MCC: variants seen among roughly 807,000 people sequenced by gnomAD.
The protein encoded by MCC is MCC regulator of Wnt signaling pathway, also known as colorectal mutant cancer protein.
In MCC, 90 loss-of-function variants were observed where a neutral mutation model predicts 116.2. The observed-to-expected ratio is 0.77, with a 90% CI of 0.65 to 0.92. MCC has a LOEUF of 0.92. Ranked by LOEUF, MCC falls within the 40% of genes least tolerant of loss-of-function variation. The pLI is 0.00. For synonymous variants in MCC, 578 were observed against 510.5 expected (o/e 1.13, Z -1.78); for missense variants, 1,516 against 1,312.2 (o/e 1.16, Z -2.40).
chr5:113,361,670 G>C (rs908233842), intron 2 of MCC, among the ~76,000 whole-genome samples: 1 of 152,150 alleles, frequency 6.6e-6, no homozygotes, highest in African/African-American at 2.4e-5. Flanking sequence ...AGAAGAGATT[G>C]GCATTTGAAT....
chr5:113,183,848 A>T (rs1297207478), intron 3 of MCC, among the ~76,000 whole-genome samples: 4 of 152,152 alleles, frequency 2.6e-5, no homozygotes, highest in Non-Finnish European at 5.9e-5. Context: ...AAAGGAATAG[A>T]GGGCTGACAC....
intron 3 of MCC, chr5:113,204,402 T>C (rs1387424817): frequency 6.6e-6 from 1 of 152,172 alleles, no homozygotes; most frequent in Non-Finnish European, 1.5e-5. Flanking sequence ...TTCACTCTCT[T>C]TCCCTCCGAA....
At chr5:113,166,226 G>C (rs1760758850) in intron 3 of MCC, among the ~76,000 whole-genome samples, 1 of 152,142 alleles carries the variant, frequency 6.6e-6, no homozygotes, top group Admixed American at 6.5e-5. Context: ...GGCTGTTTAG[G>C]AATGATACAT....
At chr5:113,422,416 T>C (rs1287186270) in intron 1 of MCC, among the ~76,000 whole-genome samples, 1 of 150,058 alleles carries the variant, frequency 6.7e-6, no homozygotes, top group African/African-American at 2.4e-5. Context: ...CAAGCTTCTA[T>C]GATTTAATTT....
At chr5:113,369,051 G>T (rs1768772373) in intron 2 of MCC, among the ~76,000 whole-genome samples, 1 of 152,154 alleles carries the variant, frequency 6.6e-6, no homozygotes, top group African/African-American at 2.4e-5. Flanking sequence ...TAAGGCATGT[G>T]GGAGGGGACG....
At chr5:113,037,749 C>T (rs1028150896) in intron 17 of MCC, among the ~76,000 whole-genome samples, 2 of 152,046 alleles carry the variant, frequency 1.3e-5, no homozygotes, top group African/African-American at 4.8e-5. Context: ...ATGGAGGTGA[C>T]TGAAGGAAGC....
chr5:113,248,890 T>C (rs950762099), intron 3 of MCC, among the ~76,000 whole-genome samples: 1 of 143,608 alleles, frequency 7.0e-6, no homozygotes, highest in Non-Finnish European at 1.5e-5. Context: ...TGCAGCGGCA[T>C]GATCTCAGCT....
At chr5:113,368,905 G>A (rs181185197) in intron 2 of MCC, among the ~76,000 whole-genome samples, 1 of 152,242 alleles carries the variant, frequency 6.6e-6, no homozygotes, top group Non-Finnish European at 1.5e-5. Flanking sequence ...AATCAACTGG[G>A]TATAAAAGTG....
intron 1 of MCC, among the ~76,000 whole-genome samples, chr5:113,427,009 C>G (rs1561565060): frequency 6.6e-6 from 1 of 152,126 alleles, no homozygotes; most frequent in Non-Finnish European, 1.5e-5. Flanking sequence ...TGAATTTAAT[C>G]ATGTCTTGTC....
At chr5:113,127,017 C>T (rs1758093368) in intron 5 of MCC, among the ~76,000 whole-genome samples, 1 of 152,162 alleles carries the variant, frequency 6.6e-6, no homozygotes, top group Admixed American at 6.5e-5. Flanking sequence ...CCTCTCCCTC[C>T]TCCCACCATC....
chr5:113,153,027 GA>G (rs1759972231), intron 3 of MCC, among the ~76,000 whole-genome samples: 1 of 152,114 alleles, frequency 6.6e-6, no homozygotes, highest in Non-Finnish European at 1.5e-5. Context: ...GAAGGGGAAC[GA>G]ATTCACTCCC....
chr5:113,487,604 A>C (rs1232548397), intron 1 of MCC, among the ~76,000 whole-genome samples: 1 of 152,216 alleles, frequency 6.6e-6, no homozygotes, highest in African/African-American at 2.4e-5. Flanking sequence ...TGGTCAGCGC[A>C]CAGAGCCGGG....
At chr5:113,468,876 T>C (rs1455921936) in intron 1 of MCC, among the ~76,000 whole-genome samples, 3 of 152,224 alleles carry the variant, frequency 2.0e-5, no homozygotes, top group Non-Finnish European at 4.4e-5. Context: ...TATTGGTCTA[T>C]TCAGAGATTC....
intron 1 of MCC, among the ~76,000 whole-genome samples, chr5:113,481,541 A>G (rs935552013): frequency 6.6e-6 from 1 of 152,124 alleles, no homozygotes; most frequent in African/African-American, 2.4e-5. Flanking sequence ...GTTCGAGACC[A>G]GCCTGGCCAA....
chr5:113,410,411 G>A (rs1030065525), intron 1 of MCC, among the ~76,000 whole-genome samples: 35 of 152,108 alleles, frequency 2.3e-4, no homozygotes, highest in Admixed American at 2.0e-3. Context: ...AAAGTGCTGT[G>A]ATAAACATTG....
intron 3 of MCC, among the ~76,000 whole-genome samples, chr5:113,218,551 A>G (rs937733696): frequency 6.6e-6 from 1 of 152,214 alleles, no homozygotes; most frequent in African/African-American, 2.4e-5. Context: ...TAATGAGACA[A>G]TGCCCAGAGG....
intron 3 of MCC, among the ~76,000 whole-genome samples, chr5:113,200,779 G>T (rs1006553349): frequency 6.6e-6 from 1 of 152,224 alleles, no homozygotes; most frequent in Non-Finnish European, 1.5e-5. Context: ...AAACCAGATG[G>T]TGCCCAGGTG....
chr5:113,423,574 TAAATTTCAA>T (rs1770398996), intron 1 of MCC, among the ~76,000 whole-genome samples: 1 of 152,152 alleles, frequency 6.6e-6, no homozygotes, highest in Non-Finnish European at 1.5e-5. Context: ...TTAGAACAAC[TAAATTTCAA>T]AAGTTACAAG....
intron 6 of MCC, among the ~76,000 whole-genome samples, chr5:113,111,866 T>G (rs769865905): frequency 3.9e-5 from 6 of 152,218 alleles, no homozygotes; most frequent in Non-Finnish European, 5.9e-5. Context: ...CACACACCAG[T>G]GGACAAAGCT....
Sources: allele counts gnomAD v4.1 joint callset (sites outside exome capture counted in the v4.1 genomes callset), GRCh38; gene constraint gnomAD v4.1.1; transcripts MANE v1.5; gene names NCBI Gene and HGNC (gene_info 2026-07-23, HGNC 2026-07-21).